The following NEBL variants were observed in gnomAD, a reference collection of about 807,000 sequenced individuals.
NEBL encodes the protein nebulette, also known as LIM and SH3 protein 2.
In NEBL, 122 loss-of-function variants were observed where a neutral mutation model predicts 140.2. The ratio of observed to expected loss-of-function variants is 0.87; its 90% CI spans 0.75 to 1.01. The LOEUF (loss-of-function observed/expected upper bound fraction) is 1.01. Ranked by LOEUF, NEBL falls within the 50% of genes least tolerant of loss-of-function variation. NEBL has a pLI of 0.00. For missense variants in NEBL, 1,365 were observed against 1,231.3 expected, an observed-to-expected ratio of 1.11 and a Z score of -1.62; for synonymous variants, 436 against 398.9, an observed-to-expected ratio of 1.09 and a Z score of -1.11.
chr10:21,044,143 T>A (rs1433898737), intron 2 of NEBL, among the ~76,000 whole-genome samples: 1 of 152,126 alleles, frequency 6.6e-6, no homozygotes, highest in African/African-American at 2.4e-5. Context: ...ACGCCTGTAA[T>A]CCCAACAATT....
At chr10:21,138,317 T>C (rs1839452170) in intron 2 of NEBL, among the ~76,000 whole-genome samples, 1 of 150,984 alleles carries the variant, frequency 6.6e-6, no homozygotes, top group African/African-American at 2.4e-5. Context: ...GAATGATGGC[T>C]TATGGATTCC....
chr10:20,909,733 G>A (rs545700238), intron 4 of NEBL, among the ~76,000 whole-genome samples: 39 of 152,172 alleles, frequency 2.6e-4, no homozygotes, highest in African/African-American at 8.2e-4. Context: ...AATTGGGATA[G>A]AGTATTAGGA....
At chr10:21,138,702 G>A (rs1589273857) in intron 2 of NEBL, among the ~76,000 whole-genome samples, 4 of 152,008 alleles carry the variant, frequency 2.6e-5, no homozygotes, top group African/African-American at 9.6e-5. Context: ...AGGAGGCTCC[G>A]AGAGGTTTGG....
intron 2 of NEBL, among the ~76,000 whole-genome samples, chr10:21,040,740 A>G (rs922871431): frequency 9.2e-5 from 14 of 152,116 alleles, no homozygotes; most frequent in Admixed American, 3.3e-4. Flanking sequence ...GTAATCCCCA[A>G]TGTTGGAGAA....
chr10:21,109,260 G>A (rs11012527), intron 2 of NEBL, among the ~76,000 whole-genome samples: 5,756 of 152,200 alleles, frequency 0.038, 262 homozygotes, highest in East Asian at 0.23. Context: ...AGAGAATCAT[G>A]TGGTTTTTGT....
intron 2 of NEBL, among the ~76,000 whole-genome samples, chr10:21,154,374 A>C (rs759418696): frequency 1.3e-5 from 2 of 149,906 alleles, no homozygotes; most frequent in Non-Finnish European, 2.9e-5. Context: ...CAGGAGAATC[A>C]CTTGAACCTG....
intron 2 of NEBL, among the ~76,000 whole-genome samples, chr10:21,165,675 G>T (rs562904639): frequency 9.2e-5 from 14 of 152,304 alleles, no homozygotes; most frequent in African/African-American, 3.4e-4. Flanking sequence ...ACATGGGACA[G>T]ATCCCTTGGA....
intron 3 of NEBL, among the ~76,000 whole-genome samples, chr10:21,245,937 C>T (rs1383106249): frequency 2.0e-5 from 3 of 152,178 alleles, no homozygotes; most frequent in Admixed American, 6.5e-5. Flanking sequence ...CCTCGTGATC[C>T]GCCCGCCTCA....
intron 2 of NEBL, among the ~76,000 whole-genome samples, chr10:21,137,720 G>A (rs1259892399): frequency 6.6e-6 from 1 of 151,986 alleles, no homozygotes; most frequent in African/African-American, 2.4e-5. Context: ...ATTGCTTCAG[G>A]CCAGCAGTTT....
chr10:21,124,960 TA>T (rs1295021492), intron 2 of NEBL, among the ~76,000 whole-genome samples: 1 of 151,852 alleles, frequency 6.6e-6, no homozygotes, highest in African/African-American at 2.4e-5. Flanking sequence ...ACTACATCTC[TA>T]AAAAAGAAAA....
At position 20,867,254 on chromosome 10, in the gene NEBL, A is replaced by T. The variant is rs370361923; in HGVS notation, c.684+1410T>A. 7.2e-5 allele frequency among the ~76,000 whole-genome samples: 11 copies of T among 152,182 alleles called. No homozygotes were observed. The East Asian group carries it at 2.1e-3, about 29-fold the overall frequency. The stretch of plus-strand genomic sequence containing the variant: ...TAACATTAACTTTGAAAGAGTTAAC[A>T]TTTTTTAGGATGTTTAGTATCAAGG... On this transcript the variant is annotated intron_variant, in intron 7 of 27. Transcript: ENST00000377122.
intron 1 of NEBL, among the ~76,000 whole-genome samples, chr10:21,291,270 C>T (rs1345687032): frequency 6.6e-6 from 1 of 151,854 alleles, no homozygotes; most frequent in Non-Finnish European, 1.5e-5. Flanking sequence ...CTTTAGGAGG[C>T]CAAGGCAGGC....
chr10:20,973,398 C>A (rs953723001), intron 3 of NEBL, among the ~76,000 whole-genome samples: 3 of 151,992 alleles, frequency 2.0e-5, no homozygotes, highest in African/African-American at 7.2e-5. Context: ...TGGGCATGAG[C>A]AACCATGTCC....
At chr10:21,055,986 G>A (rs775228454) in intron 2 of NEBL, among the ~76,000 whole-genome samples, 3 of 152,194 alleles carry the variant, frequency 2.0e-5, no homozygotes, top group Non-Finnish European at 4.4e-5. Context: ...AGTTGTCTCT[G>A]GGAGGTTCAT....
At chr10:21,178,363 G>A (rs1841335332), upstream of NEBL, among the ~76,000 whole-genome samples, 1 of 152,162 alleles carries the variant, frequency 6.6e-6, no homozygotes, top group African/African-American at 2.4e-5. Context: ...TAGTGGGACT[G>A]ATAAGTAAGC....
intron 3 of NEBL, among the ~76,000 whole-genome samples, chr10:20,962,953 T>C (rs993437214): frequency 1.3e-5 from 2 of 151,456 alleles, no homozygotes; most frequent in Non-Finnish European, 2.9e-5. Context: ...AGCATTATTA[T>C]CCTCAAGGAT....
At chr10:21,256,996 A>G (rs926960360) in intron 1 of NEBL, among the ~76,000 whole-genome samples, 3 of 152,232 alleles carry the variant, frequency 2.0e-5, no homozygotes, top group African/African-American at 7.2e-5. Context: ...CCATGCTGGT[A>G]GCTTGAAATT....
At chr10:21,099,007 C>G (rs1031165880) in intron 2 of NEBL, among the ~76,000 whole-genome samples, 1 of 152,132 alleles carries the variant, frequency 6.6e-6, no homozygotes, top group Admixed American at 6.5e-5. Flanking sequence ...GTGGCACACA[C>G]CTGCGGTCCT....
intron 2 of NEBL, chr10:21,126,012 T>C: frequency 6.2e-7 from 1 of 1,614,214 alleles, no homozygotes. Context: ...TGAAGCTGAC[T>C]CTCCGCAGCC....
Sources: allele counts gnomAD v4.1 joint callset (sites outside exome capture counted in the v4.1 genomes callset), GRCh38; gene constraint gnomAD v4.1.1; transcripts MANE v1.5; gene names NCBI Gene and HGNC (gene_info 2026-07-23, HGNC 2026-07-21).